HIBCH: variants seen among roughly 807,000 people sequenced by gnomAD.
HIBCH encodes 3-hydroxyisobutyryl-CoA hydrolase, mitochondrial.
Under a neutral mutation model 58.2 loss-of-function variants are expected in HIBCH, and 50 were observed. The observed-to-expected ratio is 0.86, with a 90% confidence interval of 0.68 to 1.09. The LOEUF (loss-of-function observed/expected upper bound fraction) is 1.09. Ranked by LOEUF, HIBCH falls within the 50% of genes least tolerant of loss-of-function variation. The pLI, the probability that HIBCH is intolerant of heterozygous loss-of-function variation, is 0.00. For synonymous variants in HIBCH, 151 were observed against 146.9 expected (o/e 1.03, Z -0.20); for missense variants, 450 against 449.7 (o/e 1.00, Z -0.01).
At chr2:190,260,364 A>G (rs1687054439) in intron 7 of HIBCH, 1 of 152,226 alleles carries the variant, frequency 6.6e-6, no homozygotes, top group Non-Finnish European at 1.5e-5. Flanking sequence ...ACTGAAAACT[A>G]AAAATCCATG....
chr2:190,218,522 T>TTAA (rs1685623812), intron 11 of HIBCH, among the ~76,000 whole-genome samples: 1 of 152,098 alleles, frequency 6.6e-6, no homozygotes, highest in African/African-American at 2.4e-5. Flanking sequence ...GAACTCCTGG[T>TTAA]CTTACTACTT....
In HIBCH at chr2:190,310,808, G is replaced by A. The variant is rs1253451197; in HGVS notation, c.36-12C>T. On this transcript the variant is annotated splice_polypyrimidine_tract_variant and intron_variant, in intron 1 of 13. Coordinates refer to ENST00000359678, the MANE Select transcript of HIBCH (RefSeq NM_014362.4). ...TGAATGCATTAAACCTGAAACAAAT[G>A]TGGAAAACAATGAGAACAGTAATGT... The A allele has an allele frequency of 1.3e-6, 2 of 1,590,180 alleles. No homozygotes were observed. Among genetic ancestry groups the A allele is most frequent in the Middle Eastern group, 1.7e-4 (1 of 6,014 alleles).
At chr2:190,218,199 C>T (rs1685615269) in intron 11 of HIBCH, among the ~76,000 whole-genome samples, 1 of 151,584 alleles carries the variant, frequency 6.6e-6, no homozygotes, top group African/African-American at 2.4e-5. Flanking sequence ...TAAAACAGAC[C>T]GTTATTGGGC....
chr2:190,196,286 T>C (rs990923439), intron 1 of HIBCH, among the ~76,000 whole-genome samples: 3 of 152,138 alleles, frequency 2.0e-5, no homozygotes, highest in Non-Finnish European at 1.5e-5. Flanking sequence ...TGGACACATC[T>C]ATAGATTTAT....
chr2:190,315,148 C>T lies in HIBCH; in HGVS notation c.36-4352G>A, dbSNP rs566711170. ...ATTTTTAGTAGAAACGGGGTTTCACCATGTTAGCCAGCATGGTCATGATCT... is the reference window on the plus strand; with the variant it reads ...ATTTTTAGTAGAAACGGGGTTTCACTATGTTAGCCAGCATGGTCATGATCT... On this transcript the variant is annotated intron_variant, in intron 1 of 13. Transcript: ENST00000359678. This position sits in a 1 kb window ranked among gnomAD's most constrained non-coding sequence, Gnocchi z 5.4. 1.1e-3 allele frequency among the ~76,000 whole-genome samples: 170 copies of T among 152,078 alleles called. No homozygotes were observed. Among genetic ancestry groups the T allele is most frequent in the African/African-American group, 3.9e-3 (161 of 41,476 alleles).
intron 6 of HIBCH, among the ~76,000 whole-genome samples, chr2:190,283,775 T>C (rs1687765262): frequency 6.6e-6 from 1 of 152,174 alleles, no homozygotes; most frequent in African/African-American, 2.4e-5. Flanking sequence ...AAATATAGTA[T>C]AAAACAAACT....
intron 11 of HIBCH, 81 bp from the exon 12 acceptor site, chr2:190,213,156 AT>A (rs1690554106): frequency 8.7e-7 from 1 of 1,154,200 alleles, no homozygotes; most frequent in Non-Finnish European, 1.3e-6. Flanking sequence ...GTCTATGTAA[AT>A]AATATTAAAA....
intron 7 of HIBCH, among the ~76,000 whole-genome samples, chr2:190,260,785 GT>G (rs1687066367): frequency 6.6e-6 from 1 of 152,062 alleles, no homozygotes; most frequent in South Asian, 2.1e-4. Context: ...ACTTATATAG[GT>G]GATCCACACC....
At chr2:190,265,122 CAAAAAAAAAAAAAAAA>C (rs1167140474) in intron 6 of HIBCH, among the ~76,000 whole-genome samples, 2 of 56,280 alleles carry the variant, frequency 3.6e-5, no homozygotes, top group African/African-American at 7.4e-5. Context: ...GACTCCGTCT[CAAAAAAAAAAAAAAAA>C]AAAAAAAAAA....
At chr2:190,256,770 T>C (rs2105946611) in intron 7 of HIBCH, among the ~76,000 whole-genome samples, 1 of 152,116 alleles carries the variant, frequency 6.6e-6, no homozygotes, top group Non-Finnish European at 1.5e-5. Flanking sequence ...CACAGAAAAT[T>C]TTTCTTTTCA....
At chr2:190,282,516 T>G (rs1687728006) in intron 6 of HIBCH, among the ~76,000 whole-genome samples, 1 of 152,202 alleles carries the variant, frequency 6.6e-6, no homozygotes, top group South Asian at 2.1e-4. Context: ...AACCCAGTCT[T>G]GCAAGAAAGA....
At chr2:190,192,166 G>C (rs559542493) in intron 1 of HIBCH, among the ~76,000 whole-genome samples, 3 of 151,994 alleles carry the variant, frequency 2.0e-5, no homozygotes, top group Non-Finnish European at 4.4e-5. Context: ...TGGGGGGAGA[G>C]TATGTGAATG....
chr2:190,313,839 C>T (rs1688621322), intron 1 of HIBCH, among the ~76,000 whole-genome samples: 1 of 152,010 alleles, frequency 6.6e-6, no homozygotes, highest in Non-Finnish European at 1.5e-5. Flanking sequence ...AATTATGAAA[C>T]TGAAGTGACA....
intron 12 of HIBCH, among the ~76,000 whole-genome samples, chr2:190,212,414 A>G (rs1690534103): frequency 6.6e-6 from 1 of 152,208 alleles, no homozygotes; most frequent in Non-Finnish European, 1.5e-5. Flanking sequence ...GACTTTAAAG[A>G]GTTTATCATC....
chr2:190,314,345 A>AC (rs1457301462), intron 1 of HIBCH, among the ~76,000 whole-genome samples: 1 of 41,498 alleles, frequency 2.4e-5, no homozygotes, highest in Non-Finnish European at 6.0e-5. Flanking sequence ...ATACATATAT[A>AC]TGTGTATATA....
chr2:190,213,246 AAAAAC>A (rs1194846756), intron 11 of HIBCH, 171 bp from the exon 12 acceptor site: 3 of 591,714 alleles, frequency 5.1e-6, no homozygotes, highest in African/African-American at 3.7e-5. Flanking sequence ...AATCTGCTAC[AAAAAC>A]AAAACATCAT....
At chr2:190,297,726 T>C (rs1688140933) in intron 2 of HIBCH, among the ~76,000 whole-genome samples, 1 of 152,222 alleles carries the variant, frequency 6.6e-6, no homozygotes, top group African/African-American at 2.4e-5. Flanking sequence ...GACTCTGCTA[T>C]ACCCAACCAT....
At position 190,315,373 on chromosome 2, in the gene HIBCH, G is replaced by A. The variant is rs1229239824; in HGVS notation, c.35+4343C>T. On this transcript the variant is annotated intron_variant, in intron 1 of 13. Transcript: ENST00000359678. The surrounding 1 kb of genome is among the most constrained non-coding windows in gnomAD (Gnocchi z 5.4). ...TGGACAAGTACCATCAACATCCCCT[G>A]GAAACTGACTAGAAACTGAAATTCT... Among the ~76,000 whole-genome samples the A allele has an allele frequency of 6.6e-6, 1 of 152,110 alleles. No homozygotes were observed. Among genetic ancestry groups the A allele is most frequent in the Non-Finnish European group, 1.5e-5 (1 of 68,032 alleles).
At chr2:190,262,932 G>A (rs1019519901) in intron 6 of HIBCH, among the ~76,000 whole-genome samples, 3 of 152,184 alleles carry the variant, frequency 2.0e-5, no homozygotes, top group African/African-American at 7.2e-5. Flanking sequence ...TTTCAATAAA[G>A]ATGAAGGTTC....
Sources: gnomAD v4.1 joint callset for allele counts (sites outside exome capture counted in the v4.1 genomes callset) on GRCh38, gnomAD v4.1.1 for gene constraint, Gnocchi (gnomAD v3.1) non-coding constraint, MANE v1.5 for transcripts, NCBI Gene and HGNC (gene_info 2026-07-23, HGNC 2026-07-21) for gene names.